The following SRGAP1 variants were observed in gnomAD, a reference collection of about 807,000 sequenced individuals.
SRGAP1 encodes SLIT-ROBO Rho GTPase activating protein 1, also known as SLIT-ROBO Rho GTPase-activating protein 1.
In SRGAP1, 43 loss-of-function variants were observed where a neutral mutation model predicts 121.9. That is an observed-to-expected ratio of 0.35 (90% CI 0.28 to 0.46). The LOEUF (loss-of-function observed/expected upper bound fraction) is 0.46. SRGAP1 is among the 20% of genes least tolerant of loss of function. The pLI, the probability that SRGAP1 is intolerant of heterozygous loss-of-function variation, is 1.00. For missense variants in SRGAP1, 1,102 were observed against 1,350.9 expected (o/e 0.82, Z 2.89); for synonymous variants, 447 against 485.4 (o/e 0.92, Z 1.04).
chr12:64,106,073 G>T (rs76969074), intron 15 of SRGAP1, among the ~76,000 whole-genome samples: 3,338 of 152,260 alleles, frequency 0.022, 58 homozygotes, highest in South Asian at 0.11. Flanking sequence ...AGACTAGAAT[G>T]TGGTGGTGTG....
At chr12:63,903,412 G>A (rs1332976163) in intron 1 of SRGAP1, among the ~76,000 whole-genome samples, 1 of 151,948 alleles carries the variant, frequency 6.6e-6, no homozygotes, top group Non-Finnish European at 1.5e-5. Flanking sequence ...AATACAATAC[G>A]TTTTTGTATT....
intron 20 of SRGAP1, 38 bp downstream of exon 20, chr12:64,127,762 C>G (rs1233196439): frequency 6.2e-7 from 1 of 1,610,616 alleles, no homozygotes; most frequent in Admixed American, 1.7e-5. Flanking sequence ...TAAGCCTCCG[C>G]TCCTCCTGGG....
intron 4 of SRGAP1, among the ~76,000 whole-genome samples, chr12:64,042,075 T>A (rs1246481838): frequency 6.6e-6 from 1 of 151,778 alleles, no homozygotes; most frequent in African/African-American, 2.4e-5. Context: ...TTTTGTATTT[T>A]TAGTAGAGAC....
chr12:63,905,266 A>T (rs76548853), intron 1 of SRGAP1, among the ~76,000 whole-genome samples: 4,116 of 152,278 alleles, frequency 0.027, 154 homozygotes, highest in East Asian at 0.15. Context: ...ACAAAATGTT[A>T]TGATCATTTA....
At chr12:64,043,698 A>C (rs2035067929) in intron 6 of SRGAP1, 123 bp downstream of exon 6, 1 of 708,240 alleles carries the variant, frequency 1.4e-6, no homozygotes, top group African/African-American at 1.8e-5. Context: ...CAAAAAGAAA[A>C]AAATACTTTT....
At chr12:63,957,324 T>C (rs1340738225) in intron 1 of SRGAP1, among the ~76,000 whole-genome samples, 1 of 152,198 alleles carries the variant, frequency 6.6e-6, no homozygotes, top group Non-Finnish European at 1.5e-5. Context: ...TTCTGCCTCC[T>C]TGGCACACTC....
intron 1 of SRGAP1, chr12:63,879,351 A>T (rs369297230): frequency 1.3e-5 from 2 of 152,190 alleles, no homozygotes; most frequent in African/African-American, 2.4e-5. Flanking sequence ...GCACCTCTGC[A>T]TACTTACATA....
chr12:64,073,701 C>CT (rs545485117), intron 8 of SRGAP1, among the ~76,000 whole-genome samples: 57 of 140,550 alleles, frequency 4.1e-4, no homozygotes, highest in African/African-American at 1.2e-3. Context: ...TATTATTTTT[C>CT]TTTTTTTTTT....
At position 64,059,184 on chromosome 12, in the gene SRGAP1, A is replaced by G. The variant is rs532807918; in HGVS notation, c.802-3733A>G. 7.9e-5 allele frequency among the ~76,000 whole-genome samples: 12 copies of G among 152,222 alleles called. No homozygotes were observed. The East Asian group carries it at 1.5e-3, about 20-fold the overall frequency. On this transcript the variant is annotated intron_variant, in intron 6 of 21. Coordinates refer to ENST00000355086, the MANE Select transcript of SRGAP1 (RefSeq NM_020762.4). ...GTTGGGCCCAGACCTGCAGAATCCA[A>G]CTGACTGCACTGGGTATGGAAACAT... is the stretch of plus-strand genomic sequence containing the variant.
chr12:64,079,929 G>C (rs550488993), intron 9 of SRGAP1, among the ~76,000 whole-genome samples: 11 of 152,196 alleles, frequency 7.2e-5, no homozygotes, highest in Non-Finnish European at 1.6e-4. Context: ...AAAGTTCCTT[G>C]ACATTGAATA....
At chr12:64,033,412 T>A (rs2034825748) in intron 4 of SRGAP1, among the ~76,000 whole-genome samples, 1 of 152,188 alleles carries the variant, frequency 6.6e-6, no homozygotes, top group Non-Finnish European at 1.5e-5. Flanking sequence ...CTTGGTCTAT[T>A]TGCTCATTCT....
chr12:64,064,418 A>C (rs911057590), intron 7 of SRGAP1, among the ~76,000 whole-genome samples: 4 of 152,218 alleles, frequency 2.6e-5, no homozygotes, highest in African/African-American at 9.6e-5. Context: ...ATCAAAACCT[A>C]AGATAAGTGA....
Position 64,129,936 on chromosome 12 carries a change from G to A in SRGAP1, c.2880+1736G>A, listed in dbSNP as rs183833665. ...ATGACTACCTTCTACTACCCATTCC[G>A]TATTCCCTTTGCCTTCAGCAAGCAC... On this transcript the variant is annotated intron_variant, in intron 21 of 21. Transcript: ENST00000355086. Among the ~76,000 whole-genome samples the A allele has an allele frequency of 7.8e-4, 119 of 152,240 alleles. 1 individual carries two copies. The highest frequency in any genetic ancestry group is 3.9e-3 in the Admixed American group (60 of 15,288).
intron 21 of SRGAP1, among the ~76,000 whole-genome samples, chr12:64,141,287 A>AAAAAAAAAAAG (rs150192768): frequency 1.4e-5 from 2 of 144,676 alleles, no homozygotes; most frequent in African/African-American, 2.6e-5. Context: ...AAAAAAAAAA[A>AAAAAAAAAAAG]AAAGAAAAAC....
At chr12:64,090,284 G>A (rs947915188) in intron 11 of SRGAP1, among the ~76,000 whole-genome samples, 4 of 152,206 alleles carry the variant, frequency 2.6e-5, no homozygotes, top group African/African-American at 9.7e-5. Flanking sequence ...AGAGAGAATG[G>A]TTTATTCACC....
At chr12:63,879,755 A>C (rs2136284945) in intron 1 of SRGAP1, among the ~76,000 whole-genome samples, 1 of 152,348 alleles carries the variant, frequency 6.6e-6, no homozygotes, top group East Asian at 1.9e-4. Flanking sequence ...CTTCTACCTC[A>C]AAAGTAGTTA....
intron 18 of SRGAP1, among the ~76,000 whole-genome samples, chr12:64,121,998 T>G (rs1389454019): frequency 6.6e-6 from 1 of 152,244 alleles, no homozygotes; most frequent in Non-Finnish European, 1.5e-5. Context: ...AGCTTTTGTT[T>G]CTGAAAGACA....
chr12:63,966,117 G>A (rs60677974), intron 1 of SRGAP1, among the ~76,000 whole-genome samples: 9,172 of 152,240 alleles, frequency 0.06, 667 homozygotes, highest in African/African-American at 0.18. Flanking sequence ...ACCGTGCCCA[G>A]CCAAAAGTGC....
intron 1 of SRGAP1, among the ~76,000 whole-genome samples, chr12:63,939,475 A>C (rs906415560): frequency 1.3e-5 from 2 of 152,172 alleles, no homozygotes; most frequent in African/African-American, 4.8e-5. Context: ...AAGAACAAAA[A>C]TATTAAATGG....
Sources: gnomAD v4.1 joint callset for allele counts (sites outside exome capture counted in the v4.1 genomes callset) on GRCh38, gnomAD v4.1.1 for gene constraint, MANE v1.5 for transcripts, NCBI Gene and HGNC (gene_info 2026-07-23, HGNC 2026-07-21) for gene names.